SLC35D1: variants seen among roughly 807,000 people sequenced by gnomAD.
The protein encoded by SLC35D1 is nucleotide sugar transporter SLC35D1.
A neutral mutation model predicts 46.7 loss-of-function variants in SLC35D1; 31 were observed. The ratio of observed to expected loss-of-function variants is 0.66; its 90% CI spans 0.50 to 0.90. The LOEUF is 0.90. Ranked by LOEUF, SLC35D1 falls within the 40% of genes least tolerant of loss-of-function variation. The pLI is 0.00. For missense variants in SLC35D1, 397 were observed against 426.2 expected, an observed-to-expected ratio of 0.93 and a Z score of 0.60; for synonymous variants, 195 against 164.6, an observed-to-expected ratio of 1.18 and a Z score of -1.41.
chr1:67,052,001 G>A lies in SLC35D1; in HGVS notation c.392+11C>T. ...ATATTAACCTCACTAGTAAAATAAA[G>A]TTATCCATACTTCAGTTTCTTTGTG... On this transcript the variant is annotated intron_variant, in intron 4 of 11. Transcript: ENST00000235345. The A allele has an allele frequency of 6.4e-7, 1 of 1,565,112 alleles. No homozygotes were observed. Among genetic ancestry groups the A allele is most frequent in the Non-Finnish European group, 8.8e-7 (1 of 1,135,726 alleles).
At chr1:67,007,424 T>C (rs866551230) in intron 11 of SLC35D1, among the ~76,000 whole-genome samples, 2 of 152,184 alleles carry the variant, frequency 1.3e-5, no homozygotes, top group South Asian at 2.1e-4. Context: ...ACCATGACTT[T>C]GGGAGTTGAG....
chr1:67,027,056 C>A (rs1239594336), intron 8 of SLC35D1, among the ~76,000 whole-genome samples: 1 of 152,198 alleles, frequency 6.6e-6, no homozygotes, highest in Non-Finnish European at 1.5e-5. Flanking sequence ...AAAACCATAT[C>A]AATTACTTAA....
At chr1:67,021,015 C>A (rs1463579385) in intron 9 of SLC35D1, among the ~76,000 whole-genome samples, 2 of 152,124 alleles carry the variant, frequency 1.3e-5, no homozygotes, top group Admixed American at 1.3e-4. Context: ...TGTGCCAGAT[C>A]CAGTCACAAA....
rs1667562479 is a variant in SLC35D1, at chr1:67,011,343, C to T, written c.877-2176G>A. ...CAAAGCTGTTCTGCTCTTTTGGAAG[C>T]TGCAGCAAAGATAATCCAGGACCTC... On this transcript the variant is annotated intron_variant, in intron 10 of 11. Transcript: ENST00000235345. Among the ~76,000 whole-genome samples the T allele has an allele frequency of 2.0e-5, 3 of 152,140 alleles. No individual in the cohort carries two copies. In the South Asian group the frequency reaches 6.2e-4, roughly 31 times the overall value.
the SLC35D1 span, chr1:66,987,830 TG>T: frequency 6.6e-6 from 1 of 152,282 alleles, no homozygotes; most frequent in African/African-American, 2.4e-5. Flanking sequence ...CAGTGGTTCT[TG>T]GTCCCCTTTA....
chr1:67,021,192 C>T (rs1004799228), intron 9 of SLC35D1, among the ~76,000 whole-genome samples: 1 of 152,228 alleles, frequency 6.6e-6, no homozygotes, highest in Non-Finnish European at 1.5e-5. Context: ...AATGCTGCCA[C>T]TGCCACCTAC....
At chr1:67,034,897 T>C (rs2102324233) in intron 8 of SLC35D1, among the ~76,000 whole-genome samples, 2 of 152,322 alleles carry the variant, frequency 1.3e-5, no homozygotes, top group Admixed American at 1.3e-4. Flanking sequence ...ATCAAATGTT[T>C]TTTCCACCAT....
At chr1:67,005,456 C>T (rs1428206401) in intron 11 of SLC35D1, among the ~76,000 whole-genome samples, 2 of 152,296 alleles carry the variant, frequency 1.3e-5, no homozygotes, top group South Asian at 2.1e-4. Flanking sequence ...TTACTGCACA[C>T]GCTCGCATAA....
intron 8 of SLC35D1, among the ~76,000 whole-genome samples, chr1:67,024,634 T>C (rs1268045183): frequency 2.0e-5 from 3 of 152,170 alleles, no homozygotes; most frequent in East Asian, 3.9e-4. Context: ...AGTGGTTTGT[T>C]GGCAATCTTT....
chr1:66,990,219 G>T, the SLC35D1 span, among the ~76,000 whole-genome samples: 1 of 152,128 alleles, frequency 6.6e-6, no homozygotes, highest in Non-Finnish European at 1.5e-5. Context: ...CTAGTGTTTA[G>T]TAGACAAATG....
chr1:67,013,763 AC>A (rs1209574555), intron 10 of SLC35D1, among the ~76,000 whole-genome samples: 1 of 152,186 alleles, frequency 6.6e-6, no homozygotes, highest in African/African-American at 2.4e-5. Flanking sequence ...GTGAGTCATC[AC>A]CACGGTAAGA....
At chr1:66,985,028 A>G in the SLC35D1 span, 1 of 1,395,142 alleles carries the variant, frequency 7.2e-7, no homozygotes, top group Admixed American at 3.4e-5. Flanking sequence ...TCTTAACTTT[A>G]GGAAATGAGG....
intron 11 of SLC35D1, chr1:67,008,502 GT>G: frequency 7.9e-7 from 1 of 1,267,902 alleles, no homozygotes. Context: ...CAGGGGCCTT[GT>G]TAGAATACTG....
the SLC35D1 span, chr1:66,986,241 G>T: frequency 0.24 from 320,006 of 1,340,360 alleles, 40,062 homozygotes; most frequent in Non-Finnish European, 0.26. Flanking sequence ...TCATTGCTCT[G>T]TGTGATTACA....
chr1:66,983,211 G>A, the SLC35D1 span, among the ~76,000 whole-genome samples: 1 of 152,136 alleles, frequency 6.6e-6, no homozygotes, highest in African/African-American at 2.4e-5. Context: ...TTTTTTATAT[G>A]GGGCTTTAAT....
At chr1:67,025,549 A>G (rs1403282778) in intron 8 of SLC35D1, among the ~76,000 whole-genome samples, 1 of 152,224 alleles carries the variant, frequency 6.6e-6, no homozygotes, top group Non-Finnish European at 1.5e-5. Context: ...TGATTTGACT[A>G]TACTAAGTCC....
chr1:66,984,809 G>A, the SLC35D1 span: 1 of 1,613,778 alleles, frequency 6.2e-7, no homozygotes, highest in Non-Finnish European at 8.5e-7. Context: ...AGGGTAAACA[G>A]CAATGGAAAA....
chr1:67,028,467 T>C (rs1357136318), intron 8 of SLC35D1, among the ~76,000 whole-genome samples: 2 of 152,208 alleles, frequency 1.3e-5, no homozygotes, highest in African/African-American at 4.8e-5. Flanking sequence ...GGTTGGTCTA[T>C]TTCTCCTTTC....
the SLC35D1 span, among the ~76,000 whole-genome samples, chr1:66,980,628 G>A: frequency 6.6e-6 from 1 of 152,110 alleles, no homozygotes; most frequent in African/African-American, 2.4e-5. Flanking sequence ...TAAGAGATTT[G>A]TCTTAATATT....
Sources: gnomAD v4.1 joint callset for allele counts (sites outside exome capture counted in the v4.1 genomes callset) on GRCh38, gnomAD v4.1.1 for gene constraint, MANE v1.5 for transcripts, NCBI Gene and HGNC (gene_info 2026-07-23, HGNC 2026-07-21) for gene names.